The following ZNRF3 variants were observed in gnomAD, a reference collection of about 807,000 sequenced individuals.
ZNRF3 encodes zinc and ring finger 3.
A neutral mutation model predicts 72.5 loss-of-function variants in ZNRF3; 23 were observed. The ratio of observed to expected loss-of-function variants is 0.32; its 90% CI spans 0.23 to 0.45. The LOEUF (loss-of-function observed/expected upper bound fraction) is 0.45, where lower values mean the gene tolerates loss of function less well. ZNRF3 is among the 20% of genes least tolerant of loss of function. The pLI is 1.00. For missense variants in ZNRF3, 1,169 were observed against 1,272.1 expected, an observed-to-expected ratio of 0.92 and a Z score of 1.23; for synonymous variants, 610 against 545.3, an observed-to-expected ratio of 1.12 and a Z score of -1.65.
chr22:29,006,487 CA>C (rs1484596494), intron 2 of ZNRF3, among the ~76,000 whole-genome samples: 4 of 152,174 alleles, frequency 2.6e-5, no homozygotes, highest in Non-Finnish European at 5.9e-5. Context: ...GCTGGGATTA[CA>C]GGTGTGAGCC....
chr22:28,942,149 G>C (rs1168393684), intron 1 of ZNRF3, among the ~76,000 whole-genome samples: 1 of 152,188 alleles, frequency 6.6e-6, no homozygotes, highest in Non-Finnish European at 1.5e-5. Context: ...CCTCTCACCT[G>C]TTTTAGGAAA....
chr22:28,980,896 A>C (rs945927169), intron 1 of ZNRF3, among the ~76,000 whole-genome samples: 1 of 152,186 alleles, frequency 6.6e-6, no homozygotes, highest in African/African-American at 2.4e-5. Context: ...GTTCTTACAC[A>C]CAATTCAGCT....
chr22:28,952,016 A>G (rs2035171715), intron 1 of ZNRF3, among the ~76,000 whole-genome samples: 2 of 152,200 alleles, frequency 1.3e-5, no homozygotes, highest in African/African-American at 4.8e-5. Flanking sequence ...CTGAGCCAGC[A>G]TGGGTATATC....
Position 29,054,378 on chromosome 22 carries a change from G to A in ZNRF3, c.*756G>A, listed in dbSNP as rs548655590. ...AGGGTGATGGGGACGATTCTGCCCAGTGTCCTCAGTCTGTCCCCTCAGGTC... is the reference window on the plus strand; with the variant it reads ...AGGGTGATGGGGACGATTCTGCCCAATGTCCTCAGTCTGTCCCCTCAGGTC... On this transcript the variant is annotated 3_prime_UTR_variant, in exon 9 of 9. Transcript: ENST00000544604. The A allele has an allele frequency of 6.6e-6, 1 of 152,402 alleles. No individual in the cohort carries two copies. The highest frequency in any genetic ancestry group is 2.4e-5 in the African/African-American group (1 of 41,464). The allele number at this position is 152,402 out of a possible 1,614,324, so 9.4% of individuals were successfully genotyped here.
At chr22:28,979,254 C>T (rs1423729647) in intron 1 of ZNRF3, among the ~76,000 whole-genome samples, 1 of 152,308 alleles carries the variant, frequency 6.6e-6, no homozygotes, top group Middle Eastern at 3.4e-3. Flanking sequence ...CCATGCCTGC[C>T]TTTTCCTTAG....
intron 2 of ZNRF3, among the ~76,000 whole-genome samples, chr22:29,033,560 G>A (rs1252306439): frequency 6.6e-6 from 1 of 152,264 alleles, no homozygotes; most frequent in East Asian, 1.9e-4. Flanking sequence ...GGGCGTGCAA[G>A]GTGGGCTGGG....
At position 29,050,826 on chromosome 22, in the gene ZNRF3, G is replaced by T; in HGVS notation, c.2645G>T (p.Cys882Phe). The T allele has an allele frequency of 6.2e-7, 1 of 1,607,294 alleles. No individual in the cohort carries two copies. Among genetic ancestry groups the T allele is most frequent in the South Asian group, 1.1e-5 (1 of 90,642 alleles). The change falls in exon 8 of 9, where the codon TGC (cysteine) becomes TTC (phenylalanine). Residue 882 changes from cysteine (C) to phenylalanine (F), a missense_variant. Physicochemically the swap from Cys to Phe is radical, Grantham distance 205 (BLOSUM62 -2). Transcript: ENST00000544604. ...CGGGAAGAGGAGCGGGCTCTGTGCT[G>T]CCAGGCTAGGGCCCTACTGCGGCCT... ...ATREEERALC[C>F]QARALLRPGC...
At chr22:28,913,168 T>A (rs1397234328) in intron 1 of ZNRF3, among the ~76,000 whole-genome samples, 2 of 152,258 alleles carry the variant, frequency 1.3e-5, no homozygotes, top group Non-Finnish European at 2.9e-5. Context: ...ACAGCAGTCC[T>A]GCACAATGTT....
At chr22:28,912,616 A>G (rs1436012197) in intron 1 of ZNRF3, among the ~76,000 whole-genome samples, 1 of 151,168 alleles carries the variant, frequency 6.6e-6, no homozygotes, top group Non-Finnish European at 1.5e-5. Flanking sequence ...TTGGAGATCC[A>G]CAAAGACCGT....
intron 2 of ZNRF3, among the ~76,000 whole-genome samples, chr22:29,001,586 C>T (rs976104224): frequency 1.3e-4 from 20 of 151,958 alleles, no homozygotes; most frequent in Non-Finnish European, 2.6e-4. Context: ...ATTCTCCTGC[C>T]TCAGCCTTCC....
At chr22:28,897,241 C>G (rs1332612919) in intron 1 of ZNRF3, among the ~76,000 whole-genome samples, 1 of 152,224 alleles carries the variant, frequency 6.6e-6, no homozygotes, top group African/African-American at 2.4e-5. Context: ...ATTGTTGCCT[C>G]CGGGCGTGGG....
chr22:29,055,578 G>A lies in ZNRF3; in HGVS notation c.*1956G>A, dbSNP rs889176093. On this transcript the variant is annotated 3_prime_UTR_variant, in exon 9 of 9. Coordinates refer to ENST00000544604, the MANE Select transcript of ZNRF3 (RefSeq NM_001206998.2). ...TCTCCGTCCTCGGGTGCAGTCCCTT[G>A]GGGGCTGCTCCTCGGACTGCGCCCC... 6.6e-6 allele frequency: 1 copy of A among 152,246 alleles called. No individual in the cohort carries two copies. The highest frequency in any genetic ancestry group is 2.4e-5 in the African/African-American group (1 of 41,456). 9.4% of individuals were successfully genotyped at this position (152,246 alleles called of 1,614,324 possible). A position where few individuals can be genotyped will look rare whatever the true frequency, so the allele number is the denominator to read the frequency against.
intron 1 of ZNRF3, among the ~76,000 whole-genome samples, chr22:28,945,553 C>T (rs936628182): frequency 2.0e-5 from 3 of 149,062 alleles, no homozygotes; most frequent in Non-Finnish European, 4.4e-5. Flanking sequence ...TTTTTTAAGA[C>T]GGAGTCTTGC....
chr22:28,898,577 C>G (rs1344869711), intron 1 of ZNRF3, among the ~76,000 whole-genome samples: 3 of 152,196 alleles, frequency 2.0e-5, no homozygotes, highest in Admixed American at 2.0e-4. Flanking sequence ...ACTTAAAACA[C>G]CGGGACTTTT....
At chr22:28,947,050 G>A (rs2035065301) in intron 1 of ZNRF3, among the ~76,000 whole-genome samples, 1 of 152,172 alleles carries the variant, frequency 6.6e-6, no homozygotes, top group Non-Finnish European at 1.5e-5. Flanking sequence ...CACTTCTATT[G>A]GGCTCATCAT....
At chr22:29,037,123 C>T (rs958616236) in intron 2 of ZNRF3, among the ~76,000 whole-genome samples, 9 of 152,140 alleles carry the variant, frequency 5.9e-5, no homozygotes, top group African/African-American at 2.2e-4. Flanking sequence ...AAAGGGTAGG[C>T]ACTAGGGATA....
chr22:28,968,965 G>C (rs1009303894), intron 1 of ZNRF3, among the ~76,000 whole-genome samples: 3 of 152,036 alleles, frequency 2.0e-5, no homozygotes, highest in Non-Finnish European at 4.4e-5. Flanking sequence ...TGACATGTCA[G>C]GACCACCAGG....
At chr22:28,906,918 A>G (rs132536) in intron 1 of ZNRF3, among the ~76,000 whole-genome samples, 91,114 of 151,800 alleles carry the variant, frequency 0.6, 28,659 homozygotes, top group Non-Finnish European at 0.7. Flanking sequence ...GGAGAATTTG[A>G]GCTAAAATGT....
intron 1 of ZNRF3, among the ~76,000 whole-genome samples, chr22:28,947,990 G>T (rs944999429): frequency 2.0e-5 from 3 of 149,300 alleles, no homozygotes; most frequent in African/African-American, 7.4e-5. Flanking sequence ...GACTACAGGC[G>T]TGTGCCACCA....
Sources: allele counts gnomAD v4.1 joint callset (sites outside exome capture counted in the v4.1 genomes callset), GRCh38; gene constraint gnomAD v4.1.1; transcripts MANE v1.5; gene names NCBI Gene and HGNC (gene_info 2026-07-23, HGNC 2026-07-21).